Variants in ROBO2 observed in about 807,000 individuals in gnomAD.
The protein encoded by ROBO2 is roundabout guidance receptor 2.
A neutral mutation model predicts 160.8 loss-of-function variants in ROBO2; 53 were observed. The observed-to-expected ratio is 0.33, with a 90% CI of 0.26 to 0.41. The LOEUF (loss-of-function observed/expected upper bound fraction) is 0.41, where lower values mean the gene tolerates loss of function less well. Ranked by LOEUF, ROBO2 falls within the 10% of genes least tolerant of loss-of-function variation. The pLI, the probability that ROBO2 is intolerant of heterozygous loss-of-function variation, is 1.00. For missense variants in ROBO2, 1,577 were observed against 1,722.4 expected, an observed-to-expected ratio of 0.92 and a Z score of 1.49; for synonymous variants, 664 against 611.7, an observed-to-expected ratio of 1.09 and a Z score of -1.26.
chr3:75,964,805 G>C (rs1949045608), intron 2 of ROBO2, among the ~76,000 whole-genome samples: 1 of 151,508 alleles, frequency 6.6e-6, no homozygotes, highest in Admixed American at 6.6e-5. Context: ...GTTGCATGTT[G>C]TTACATTTAT....
intron 2 of ROBO2, among the ~76,000 whole-genome samples, chr3:77,178,078 A>C (rs905626562): frequency 6.6e-6 from 1 of 151,984 alleles, no homozygotes; most frequent in Non-Finnish European, 1.5e-5. Context: ...ATTGAAGGCA[A>C]ATCTATAAAC....
rs1180491068 is a variant in ROBO2, at chr3:76,749,566, G to T, written c.110-348448G>T. ...TTATCAAGAAAGAAGACAGAGGTGGGCCTTCCAGGAAGAAGCTTCAATTTG... is the reference window on the plus strand; with the variant it reads ...TTATCAAGAAAGAAGACAGAGGTGGTCCTTCCAGGAAGAAGCTTCAATTTG... On this transcript the variant is annotated intron_variant, in intron 2 of 26. Transcript: ENST00000487694. Among the ~76,000 whole-genome samples, 3 of 152,100 alleles carry T rather than the reference G, an allele frequency of 2.0e-5. No individual in the cohort carries two copies. In the East Asian group the frequency reaches 5.8e-4, roughly 30 times the overall value.
intron 2 of ROBO2, among the ~76,000 whole-genome samples, chr3:76,121,215 A>G (rs532107480): frequency 2.6e-5 from 4 of 152,280 alleles, no homozygotes; most frequent in African/African-American, 4.8e-5. Flanking sequence ...ATATGGTAGA[A>G]TTATTTTTCC....
At chr3:76,268,930 T>G (rs2107619248) in intron 2 of ROBO2, among the ~76,000 whole-genome samples, 1 of 152,290 alleles carries the variant, frequency 6.6e-6, no homozygotes, top group South Asian at 2.1e-4. Flanking sequence ...CACACTATTT[T>G]GTTAACCTAG....
chr3:77,211,190 T>C (rs2084101908), intron 2 of ROBO2, among the ~76,000 whole-genome samples: 2 of 152,182 alleles, frequency 1.3e-5, no homozygotes, highest in Admixed American at 1.3e-4. Flanking sequence ...GTTGAACTAG[T>C]TTACAGTCCC....
At chr3:76,509,326 G>T (rs867605899) in intron 2 of ROBO2, among the ~76,000 whole-genome samples, 52 of 152,066 alleles carry the variant, frequency 3.4e-4, no homozygotes, top group African/African-American at 1.1e-3. Context: ...ACTCACCCCT[G>T]GTGGAGCAGA....
At chr3:75,936,138 C>A (rs7629725) in intron 1 of ROBO2, among the ~76,000 whole-genome samples, 148,601 of 152,288 alleles carry the variant, frequency 0.98, 72,594 homozygotes, top group Non-Finnish European at 1. Flanking sequence ...TCATTGTAAC[C>A]TTCTTAACTC....
At chr3:77,607,761 A>G (rs1254981886) in intron 20 of ROBO2, 37 bp from the exon 22 acceptor site, 1 of 1,594,138 alleles carries the variant, frequency 6.3e-7, no homozygotes, top group South Asian at 1.1e-5. Context: ...TTATTCTGCT[A>G]TTTGGCATCT....
At chr3:76,901,568 CAAAAAA>C (rs34372046) in intron 2 of ROBO2, among the ~76,000 whole-genome samples, 2 of 75,878 alleles carry the variant, frequency 2.6e-5, no homozygotes, top group African/African-American at 1.1e-4. Flanking sequence ...AATTTCATCT[CAAAAAA>C]AAAAAAAAAA....
chr3:76,266,722 A>G (rs1376050798), intron 2 of ROBO2, among the ~76,000 whole-genome samples: 1 of 152,140 alleles, frequency 6.6e-6, no homozygotes, highest in East Asian at 1.9e-4. Flanking sequence ...CAAGTCTATG[A>G]TGCTGCCATC....
intron 2 of ROBO2, among the ~76,000 whole-genome samples, chr3:76,918,672 A>G (rs866315293): frequency 6.6e-6 from 1 of 152,194 alleles, no homozygotes; most frequent in Non-Finnish European, 1.5e-5. Flanking sequence ...TTAAAGGTAT[A>G]CTTTCAACAC....
chr3:76,300,837 T>G (rs917042473), intron 2 of ROBO2, among the ~76,000 whole-genome samples: 1 of 152,062 alleles, frequency 6.6e-6, no homozygotes, highest in African/African-American at 2.4e-5. Context: ...TGAAGCCAGG[T>G]GAGTCTTTTC....
intron 2 of ROBO2, among the ~76,000 whole-genome samples, chr3:76,012,641 C>T (rs2066227447): frequency 6.6e-6 from 1 of 151,844 alleles, no homozygotes; most frequent in African/African-American, 2.4e-5. Context: ...TCCCGTTAGC[C>T]AAATAAATAA....
chr3:77,237,183 C>CTTTTTTTTTTTTTTTTTTTTTATTT (rs34992972), intron 2 of ROBO2, among the ~76,000 whole-genome samples: 1 of 107,116 alleles, frequency 9.3e-6, no homozygotes, highest in Non-Finnish European at 1.8e-5. Flanking sequence ...CTTGACCTTT[C>CTTTTTTTTTTTTTTTTTTTTTATTT]TTTTTTTTTT....
chr3:77,057,269 C>T (rs1225211222), intron 1 of ROBO2, among the ~76,000 whole-genome samples: 1 of 152,050 alleles, frequency 6.6e-6, no homozygotes, highest in Non-Finnish European at 1.5e-5. Flanking sequence ...AATGAGAACA[C>T]TTGGACACAG....
chr3:77,419,988 C>A (rs1475560559), intron 2 of ROBO2, among the ~76,000 whole-genome samples: 1 of 152,056 alleles, frequency 6.6e-6, no homozygotes, highest in Non-Finnish European at 1.5e-5. Context: ...CAAACTGAGG[C>A]AATTTGCATT....
intron 2 of ROBO2, among the ~76,000 whole-genome samples, chr3:76,741,910 A>G (rs2093807542): frequency 6.6e-6 from 1 of 152,060 alleles, no homozygotes; most frequent in African/African-American, 2.4e-5. Flanking sequence ...TTTATGCCCT[A>G]ATATAGTATA....
intron 2 of ROBO2, among the ~76,000 whole-genome samples, chr3:76,443,841 T>C (rs2077042183): frequency 6.6e-6 from 1 of 152,200 alleles, no homozygotes; most frequent in Non-Finnish European, 1.5e-5. Context: ...TGAAAACTTC[T>C]GCTGGTCTTT....
intron 2 of ROBO2, among the ~76,000 whole-genome samples, chr3:76,595,241 T>C (rs377189797): frequency 1.1e-3 from 161 of 152,134 alleles, no homozygotes; most frequent in Middle Eastern, 0.01. Flanking sequence ...ATACAGCTTA[T>C]GTGGGGAAAA....
Sources: gnomAD v4.1 joint callset for allele counts (sites outside exome capture counted in the v4.1 genomes callset) on GRCh38, gnomAD v4.1.1 for gene constraint, MANE v1.5 for transcripts, NCBI Gene and HGNC (gene_info 2026-07-23, HGNC 2026-07-21) for gene names.